Variants in ADCYAP1R1 observed in about 807,000 individuals in gnomAD.
ADCYAP1R1 encodes ADCYAP receptor type I.
In ADCYAP1R1, 44 loss-of-function variants were observed where a neutral mutation model predicts 67.6. The observed-to-expected ratio is 0.65, with a 90% CI of 0.51 to 0.84. The LOEUF is 0.84. Among genes scored for constraint, ADCYAP1R1 ranks in the 40% least tolerant of loss-of-function variants. The pLI is 0.00. For synonymous variants in ADCYAP1R1, 222 were observed against 219.6 expected (o/e 1.01, Z -0.10); for missense variants, 477 against 587.9 (o/e 0.81, Z 1.95).
intron 3 of ADCYAP1R1, 83 bp from the exon 4 acceptor site, chr7:31,077,908 G>A (rs573739803): frequency 2.4e-6 from 2 of 844,198 alleles, no homozygotes; most frequent in South Asian, 3.5e-5. Flanking sequence ...TGGTGTGTAT[G>A]TTGGTGTGTG....
chr7:31,081,825 G>A lies in ADCYAP1R1; in HGVS notation c.328+71G>A, dbSNP rs115688036. 8.0e-4 allele frequency: 1,069 copies of A among 1,338,944 alleles called. 12 individuals are homozygous for A. In the African/African-American group the frequency reaches 0.014, roughly 17 times the overall value. 82.9% of individuals were successfully genotyped at this position (1,338,944 alleles called of 1,614,324 possible). ...GCGTCTGCTGACATGTGAGCTTTGA[G>A]AACCCCATCCCAGGCTGGGCTCTGC... is the stretch of plus-strand genomic sequence containing the variant. On this transcript the variant is annotated intron_variant, in intron 6 of 15. Coordinates refer to ENST00000304166, the MANE Select transcript of ADCYAP1R1 (RefSeq NM_001118.5).
intron 1 of ADCYAP1R1, among the ~76,000 whole-genome samples, chr7:31,061,073 G>C (rs1374309855): frequency 6.6e-6 from 1 of 152,216 alleles, no homozygotes; most frequent in Non-Finnish European, 1.5e-5. Flanking sequence ...TCTGCTAGGG[G>C]GCAGCCCAGT....
At chr7:31,063,628 A>G (rs1044409748) in intron 2 of ADCYAP1R1, among the ~76,000 whole-genome samples, 3 of 152,238 alleles carry the variant, frequency 2.0e-5, no homozygotes, top group Non-Finnish European at 4.4e-5. Flanking sequence ...GCCTCTTTCA[A>G]TTTTCTCGTC....
intron 3 of ADCYAP1R1, among the ~76,000 whole-genome samples, chr7:31,067,056 G>A (rs1794767279): frequency 1.3e-5 from 2 of 152,300 alleles, no homozygotes; most frequent in Admixed American, 1.3e-4. Context: ...TGGCATCTCT[G>A]CAACTGCCCC....
intron 3 of ADCYAP1R1, among the ~76,000 whole-genome samples, chr7:31,065,236 G>T (rs1385059882): frequency 6.6e-6 from 1 of 152,176 alleles, no homozygotes; most frequent in Non-Finnish European, 1.5e-5. Flanking sequence ...TCAAGAGCTT[G>T]TTAGCAGGCA....
intron 1 of ADCYAP1R1, among the ~76,000 whole-genome samples, chr7:31,058,282 C>T (rs1054204233): frequency 9.2e-5 from 14 of 152,182 alleles, no homozygotes; most frequent in African/African-American, 1.7e-4. Flanking sequence ...GGAAAGTCTT[C>T]GAGCCCAGTG....
intron 1 of ADCYAP1R1, among the ~76,000 whole-genome samples, chr7:31,061,054 C>A (rs576110130): frequency 3.0e-4 from 45 of 152,284 alleles, no homozygotes; most frequent in African/African-American, 9.9e-4. Flanking sequence ...GCTGGGGAAG[C>A]AGTGAGTATC....
chr7:31,053,417 G>A (rs1794107979), intron 1 of ADCYAP1R1, among the ~76,000 whole-genome samples: 1 of 152,262 alleles, frequency 6.6e-6, no homozygotes, highest in African/African-American at 2.4e-5. Flanking sequence ...TTTAGAGGCA[G>A]AAGCTCCTGC....
At chr7:31,065,968 T>G (rs1192400867) in intron 3 of ADCYAP1R1, among the ~76,000 whole-genome samples, 1 of 152,190 alleles carries the variant, frequency 6.6e-6, no homozygotes, top group African/African-American at 2.4e-5. Flanking sequence ...CATTAACTGG[T>G]GAGGGAGCTA....
chr7:31,080,716 G>C, intron 5 of ADCYAP1R1, 83 bp downstream of exon 5: 1 of 1,476,394 alleles, frequency 6.8e-7, no homozygotes, highest in South Asian at 1.2e-5. Context: ...CCAGGCTCCG[G>C]CTGCTGGGAT....
intron 3 of ADCYAP1R1, among the ~76,000 whole-genome samples, chr7:31,069,452 G>T (rs1328602457): frequency 1.3e-5 from 2 of 152,204 alleles, no homozygotes; most frequent in Non-Finnish European, 2.9e-5. Context: ...AATGCCTGTT[G>T]AGTGTAAACT....
At chr7:31,062,040 T>C (rs1374428278) in intron 1 of ADCYAP1R1, among the ~76,000 whole-genome samples, 1 of 152,220 alleles carries the variant, frequency 6.6e-6, no homozygotes, top group Non-Finnish European at 1.5e-5. Flanking sequence ...TAGCAGTGCC[T>C]GTTGACGGAT....
chr7:31,100,089 C>A (rs944903410), intron 13 of ADCYAP1R1: 1 of 1,540,038 alleles, frequency 6.5e-7, no homozygotes, highest in African/African-American at 1.4e-5. Flanking sequence ...TGCCTGGTGC[C>A]CCCCAGCTGA....
At chr7:31,076,665 C>T (rs984656318) in intron 3 of ADCYAP1R1, among the ~76,000 whole-genome samples, 3 of 152,152 alleles carry the variant, frequency 2.0e-5, no homozygotes, top group South Asian at 2.1e-4. Context: ...TTGCTTGGCG[C>T]GTGCAGGCTT....
At chr7:31,071,526 G>A (rs1202144853) in intron 3 of ADCYAP1R1, among the ~76,000 whole-genome samples, 1 of 152,162 alleles carries the variant, frequency 6.6e-6, no homozygotes, top group Non-Finnish European at 1.5e-5. Flanking sequence ...GGGGAGGACG[G>A]GAACTTGGCC....
chr7:31,087,599 A>C, intron 11 of ADCYAP1R1, 28 bp from the exon 12 acceptor site: 1 of 1,611,756 alleles, frequency 6.2e-7, no homozygotes, highest in Non-Finnish European at 8.5e-7. Context: ...CACAGACGTG[A>C]TCTTGCTTCT....
intron 5 of ADCYAP1R1, 26 bp from the exon 6 acceptor site, chr7:31,081,687 T>C (rs1173954731): frequency 1.3e-6 from 2 of 1,574,136 alleles, no homozygotes; most frequent in Admixed American, 1.8e-5. Flanking sequence ...GGCATTTTGA[T>C]ATATGCCTAT....
At chr7:31,054,493 A>C (rs781350470) in intron 1 of ADCYAP1R1, among the ~76,000 whole-genome samples, 2 of 152,230 alleles carry the variant, frequency 1.3e-5, no homozygotes, top group Admixed American at 6.5e-5. Flanking sequence ...TTGTGCGTCA[A>C]CTTTGGGACA....
At chr7:31,103,510 A>G in intron 14 of ADCYAP1R1, 144 bp downstream of exon 14, 1 of 1,159,992 alleles carries the variant, frequency 8.6e-7, no homozygotes, top group Middle Eastern at 2.9e-4. Flanking sequence ...TCTGCTGTCT[A>G]CCCTTAGGGC....
Sources: gnomAD v4.1 joint callset for allele counts (sites outside exome capture counted in the v4.1 genomes callset) on GRCh38, gnomAD v4.1.1 for gene constraint, MANE v1.5 for transcripts, NCBI Gene and HGNC (gene_info 2026-07-23, HGNC 2026-07-21) for gene names.